Variants in FARP2 observed in about 807,000 individuals in gnomAD.
The protein encoded by FARP2 is FERM, ARH/RhoGEF and pleckstrin domain protein 2, also known as FERM, ARHGEF and pleckstrin domain-containing protein 2.
In FARP2, 111 loss-of-function variants were observed where a neutral mutation model predicts 130.5. That is an observed-to-expected ratio of 0.85 (90% CI 0.73 to 1.00). The LOEUF is 1.00. Ranked by LOEUF, FARP2 falls within the 50% of genes least tolerant of loss-of-function variation. The pLI is 0.00. For missense variants in FARP2, 1,385 were observed against 1,346.3 expected (o/e 1.03, Z -0.45); for synonymous variants, 504 against 516.9 (o/e 0.98, Z 0.34).
chr2:241,418,884 G>T (rs3771566), intron 8 of FARP2, among the ~76,000 whole-genome samples: 25,410 of 152,056 alleles, frequency 0.17, 2,521 homozygotes, highest in East Asian at 0.4. Flanking sequence ...AACTTGTCTG[G>T]GCCCCTCCTT....
At chr2:241,437,331 A>C (rs1192301949) in intron 12 of FARP2, among the ~76,000 whole-genome samples, 2 of 152,240 alleles carry the variant, frequency 1.3e-5, no homozygotes, top group Non-Finnish European at 2.9e-5. Flanking sequence ...ATGTGACAAC[A>C]GCTGTTCCGT....
intron 2 of FARP2, among the ~76,000 whole-genome samples, chr2:241,381,311 C>T (rs1374810850): frequency 2.0e-5 from 3 of 152,084 alleles, no homozygotes; most frequent in Non-Finnish European, 4.4e-5. Flanking sequence ...CCCCGGCCTG[C>T]TGCTTGTTGT....
At position 241,475,768 on chromosome 2, in the gene FARP2, G is replaced by A. The variant is rs1470670684; in HGVS notation, c.2132-89G>A. 8.2e-7 allele frequency: 1 copy of A among 1,223,794 alleles called. No homozygotes were observed. The highest frequency in any genetic ancestry group is 1.1e-6 in the Non-Finnish European group (1 of 917,780). 75.8% of individuals were successfully genotyped at this position (1,223,794 alleles called of 1,614,324 possible). On this transcript the variant is annotated intron_variant, in intron 18 of 26. Transcript: ENST00000264042. This position sits in a 1 kb window ranked among gnomAD's most constrained non-coding sequence, Gnocchi z 4.4. ...TACCTCTAATTAGAACTGCCTTTTAGAATGCTGGTTCCTGTCACAAGGTGG... is the reference window on the plus strand; with the variant it reads ...TACCTCTAATTAGAACTGCCTTTTAAAATGCTGGTTCCTGTCACAAGGTGG...
At chr2:241,479,430 T>C (rs2064558849) in intron 19 of FARP2, among the ~76,000 whole-genome samples, 1 of 152,262 alleles carries the variant, frequency 6.6e-6, no homozygotes, top group Non-Finnish European at 1.5e-5. Context: ...GTCAGGAGTC[T>C]GCTCTGCCTC....
chr2:241,440,899 C>T (rs954525942), intron 12 of FARP2, among the ~76,000 whole-genome samples: 6 of 151,998 alleles, frequency 3.9e-5, no homozygotes, highest in African/African-American at 7.2e-5. Context: ...ACCTGTAATC[C>T]CAGCATGTTG....
At chr2:241,493,478 C>CTGGA in intron 26 of FARP2, 34 bp downstream of exon 26, 1 of 1,605,238 alleles carries the variant, frequency 6.2e-7, no homozygotes, top group African/African-American at 1.3e-5. Flanking sequence ...GGTCAGCTGC[C>CTGGA]CATTTCGATG....
intron 18 of FARP2, among the ~76,000 whole-genome samples, chr2:241,471,920 T>A (rs2064324951): frequency 6.6e-6 from 1 of 152,200 alleles, no homozygotes; most frequent in Non-Finnish European, 1.5e-5. Flanking sequence ...GGGACCCTGT[T>A]CTGAGGGGAT....
At chr2:241,392,479 T>C (rs1464987508) in intron 2 of FARP2, among the ~76,000 whole-genome samples, 1 of 152,212 alleles carries the variant, frequency 6.6e-6, no homozygotes, top group Non-Finnish European at 1.5e-5. Context: ...AGAGAAACGA[T>C]TGTAGAAGAG....
At chr2:241,423,131 C>A (rs1214743770) in intron 8 of FARP2, among the ~76,000 whole-genome samples, 1 of 152,122 alleles carries the variant, frequency 6.6e-6, no homozygotes, top group East Asian at 1.9e-4. Context: ...AGATACTCCA[C>A]AAGAAGATCT....
At chr2:241,447,005 A>G (rs946063943) in intron 13 of FARP2, 1 of 152,238 alleles carries the variant, frequency 6.6e-6, no homozygotes, top group Admixed American at 6.5e-5. Flanking sequence ...CATTTTTTAA[A>G]GAGACATTTT....
intron 14 of FARP2, 58 bp from the exon 15 acceptor site, chr2:241,462,465 A>C (rs1008972629): frequency 8.1e-7 from 1 of 1,231,948 alleles, no homozygotes; most frequent in African/African-American, 1.5e-5. Context: ...AGGCTCCCTG[A>C]GCGTGGGAGG....
rs998667102 is a variant in FARP2, at chr2:241,468,373, C to G, written c.2127C>G (p.Cys709Trp). Residue 709 changes from cysteine to tryptophan, a missense_variant, in exon 18 of 27, where the codon TGC (cysteine) becomes TGG (tryptophan). Coordinates refer to ENST00000264042, the MANE Select transcript of FARP2 (RefSeq NM_014808.4). ...CCGGGCACCATGACTACGCTGACTG[C>G]CATGGTGAGTGTGGGTGCGGCCCTG... ...YSPGHHDYAD[C>W]HDALKAITEV... The G allele has an allele frequency of 6.2e-7, 1 of 1,606,740 alleles. No homozygotes were observed. Among genetic ancestry groups the G allele is most frequent in the Admixed American group, 1.7e-5 (1 of 60,008 alleles).
intron 2 of FARP2, among the ~76,000 whole-genome samples, chr2:241,402,884 T>G (rs1437184774): frequency 2.4e-5 from 1 of 41,764 alleles, no homozygotes. Context: ...ATATATATTT[T>G]TTTTTTTTTT....
chr2:241,424,836 G>A (rs984010374), intron 8 of FARP2, among the ~76,000 whole-genome samples: 1 of 152,130 alleles, frequency 6.6e-6, no homozygotes, highest in Non-Finnish European at 1.5e-5. Context: ...TGCACATAAA[G>A]TGGAAAATCT....
At chr2:241,449,748 C>T (rs1398053587) in intron 13 of FARP2, among the ~76,000 whole-genome samples, 2 of 152,154 alleles carry the variant, frequency 1.3e-5, no homozygotes, top group African/African-American at 4.8e-5. Context: ...CCTGTAATCC[C>T]AGCACTTTGG....
intron 15 of FARP2, 59 bp from the exon 16 acceptor site, chr2:241,463,274 GCA>G: frequency 1.9e-6 from 3 of 1,577,614 alleles, no homozygotes; most frequent in Non-Finnish European, 2.6e-6. Flanking sequence ...GCCCTCAGGG[GCA>G]CAGTTTCTCA....
At chr2:241,403,186 T>G (rs1256403202) in intron 2 of FARP2, among the ~76,000 whole-genome samples, 1 of 151,870 alleles carries the variant, frequency 6.6e-6, no homozygotes, top group Non-Finnish European at 1.5e-5. Flanking sequence ...AAATAAAGAC[T>G]CTTAAGACTT....
At chr2:241,397,879 G>GAGTGC (rs2062069534) in intron 2 of FARP2, among the ~76,000 whole-genome samples, 2 of 146,156 alleles carry the variant, frequency 1.4e-5, no homozygotes, top group South Asian at 4.3e-4. Context: ...GCCCAGGCTG[G>GAGTGC]AGTGCAGTGG....
At chr2:241,465,490 G>A (rs2064144957) in intron 17 of FARP2, 1 of 1,550,620 alleles carries the variant, frequency 6.4e-7, no homozygotes, top group Admixed American at 2.0e-5. Context: ...GCATGTAGCA[G>A]GGGTCACAAA....
Sources: gnomAD v4.1 joint callset for allele counts (sites outside exome capture counted in the v4.1 genomes callset) on GRCh38, gnomAD v4.1.1 for gene constraint, Gnocchi (gnomAD v3.1) non-coding constraint, MANE v1.5 for transcripts, NCBI Gene and HGNC (gene_info 2026-07-23, HGNC 2026-07-21) for gene names.